Variants in NCOA2 observed in about 807,000 individuals in gnomAD.
NCOA2 encodes class E basic helix-loop-helix protein 75.
Under a neutral mutation model 145.1 loss-of-function variants are expected in NCOA2, and 21 were observed. The ratio of observed to expected loss-of-function variants is 0.14; its 90% CI spans 0.10 to 0.21. The LOEUF (loss-of-function observed/expected upper bound fraction) is 0.21, where lower values mean the gene tolerates loss of function less well. Among genes scored for constraint, NCOA2 ranks in the 10% least tolerant of loss-of-function variants. The pLI is 1.00. For synonymous variants in NCOA2, 619 were observed against 637.5 expected, an observed-to-expected ratio of 0.97 and a Z score of 0.44; for missense variants, 1,472 against 1,837.6, an observed-to-expected ratio of 0.80 and a Z score of 3.64.
At chr8:70,179,352 T>G (rs1394050240) in intron 4 of NCOA2, among the ~76,000 whole-genome samples, 2 of 152,204 alleles carry the variant, frequency 1.3e-5, no homozygotes, top group Admixed American at 1.3e-4. Flanking sequence ...GTTATTTGGG[T>G]ACTTTTCATG....
chr8:70,141,125 C>T lies in NCOA2; in HGVS notation c.3028+59G>A, dbSNP rs7002510. On this transcript the variant is annotated intron_variant, in intron 14 of 22. Coordinates refer to ENST00000452400, the MANE Select transcript of NCOA2 (RefSeq NM_006540.4). ...AAGCATGTCTTGAAAGAACTTATGA[C>T]GCTCTCTTTTCTAAGAGAGCATAAA... 15,286 of 1,471,298 alleles carry T rather than the reference C, an allele frequency of 0.01. 1,356 individuals are homozygous for T. The African/African-American group carries it at 0.19, about 18-fold the overall frequency. 91.1% of individuals were successfully genotyped at this position (1,471,298 alleles called of 1,614,324 possible).
At chr8:70,338,154 C>G (rs1807801413) in intron 1 of NCOA2, among the ~76,000 whole-genome samples, 1 of 151,840 alleles carries the variant, frequency 6.6e-6, no homozygotes, top group East Asian at 1.9e-4. Context: ...AATCCAGGAG[C>G]TGGTTTGTTG....
chr8:70,342,774 TACACACACAC>T (rs370685018), intron 1 of NCOA2, among the ~76,000 whole-genome samples: 9,343 of 124,056 alleles, frequency 0.075, 377 homozygotes, highest in East Asian at 0.13. Context: ...CTTTTGCAAT[TACACACACAC>T]ACACACACAC....
chr8:70,223,852 T>C (rs1057238902), intron 2 of NCOA2, among the ~76,000 whole-genome samples: 3 of 152,228 alleles, frequency 2.0e-5, no homozygotes, highest in African/African-American at 7.2e-5. Context: ...GGTCCTATAC[T>C]TTGACACTTT....
At chr8:70,177,387 A>G (rs1248067169) in intron 4 of NCOA2, among the ~76,000 whole-genome samples, 2 of 152,148 alleles carry the variant, frequency 1.3e-5, no homozygotes, top group African/African-American at 4.8e-5. Flanking sequence ...TGGATCCTCA[A>G]TAGCACCGTC....
At chr8:70,259,840 A>C (rs1268805626) in intron 2 of NCOA2, among the ~76,000 whole-genome samples, 1 of 152,236 alleles carries the variant, frequency 6.6e-6, no homozygotes, top group Non-Finnish European at 1.5e-5. Flanking sequence ...TCTCGCACAT[A>C]AAAGTCTTAT....
intron 1 of NCOA2, among the ~76,000 whole-genome samples, chr8:70,369,551 C>CT (rs1405405440): frequency 6.6e-6 from 1 of 152,186 alleles, no homozygotes; most frequent in Non-Finnish European, 1.5e-5. Flanking sequence ...GTCTTGCTCC[C>CT]TGGCAGCATG....
chr8:70,456,358 G>T, the NCOA2 span, among the ~76,000 whole-genome samples: 1 of 152,184 alleles, frequency 6.6e-6, no homozygotes. Flanking sequence ...GCTGTGGAAA[G>T]TGGTCTTGAG....
At chr8:70,402,778 C>A (rs937172050) in intron 1 of NCOA2, among the ~76,000 whole-genome samples, 1 of 151,620 alleles carries the variant, frequency 6.6e-6, no homozygotes. Flanking sequence ...CCGCCTCCCG[C>A]CCCCGGCCCC....
chr8:70,405,571 A>G (rs1241007335), upstream of NCOA2, among the ~76,000 whole-genome samples: 1 of 148,530 alleles, frequency 6.7e-6, no homozygotes, highest in Non-Finnish European at 1.5e-5. Context: ...CTTGTCTACA[A>G]TGGGGTAGTA....
intron 2 of NCOA2, among the ~76,000 whole-genome samples, chr8:70,249,625 A>G (rs976559510): frequency 6.6e-6 from 1 of 152,284 alleles, no homozygotes; most frequent in African/African-American, 2.4e-5. Context: ...ATTAGCTCTT[A>G]GTTTGATATC....
At position 70,138,350 on chromosome 8, in the gene NCOA2, A is replaced by G; in HGVS notation, c.3029-18T>C. ...AGATGGCCCTAGAAAGGGAGAAGAA[A>G]AAAATCTTACATCTTTAATCAAGGA... On this transcript the variant is annotated intron_variant, in intron 14 of 22. Coordinates refer to ENST00000452400, the MANE Select transcript of NCOA2 (RefSeq NM_006540.4). 11 of 1,582,094 alleles carry G rather than the reference A, an allele frequency of 7.0e-6. No homozygotes were observed. The highest frequency in any genetic ancestry group is 9.4e-6 in the Non-Finnish European group (11 of 1,166,878).
intron 1 of NCOA2, among the ~76,000 whole-genome samples, chr8:70,330,790 C>G (rs1807030722): frequency 6.6e-6 from 1 of 152,134 alleles, no homozygotes; most frequent in South Asian, 2.1e-4. Context: ...CTTACGCAAT[C>G]TTAAAAAGTA....
At chr8:70,416,761 AGAGT>A in the NCOA2 span, among the ~76,000 whole-genome samples, 2 of 152,140 alleles carry the variant, frequency 1.3e-5, no homozygotes, top group African/African-American at 4.8e-5. Flanking sequence ...AGAGAGTGAG[AGAGT>A]GAGAACAAAG....
chr8:70,246,485 C>T (rs753558160), intron 2 of NCOA2, among the ~76,000 whole-genome samples: 4 of 152,044 alleles, frequency 2.6e-5, no homozygotes, highest in Non-Finnish European at 4.4e-5. Context: ...CTATATTTTA[C>T]ATTTCTTGGT....
chr8:70,202,368 C>T (rs910976674), intron 4 of NCOA2, among the ~76,000 whole-genome samples: 2 of 152,136 alleles, frequency 1.3e-5, no homozygotes, highest in Non-Finnish European at 2.9e-5. Flanking sequence ...AAAACAGGAT[C>T]TCAAAGAGAT....
At chr8:70,225,392 TA>T (rs1414770738) in intron 2 of NCOA2, among the ~76,000 whole-genome samples, 7 of 151,452 alleles carry the variant, frequency 4.6e-5, no homozygotes, top group Admixed American at 3.9e-4. Context: ...ACTAAAAAAA[TA>T]CAAAAATTAG....
rs988591768 is a variant in NCOA2, at chr8:70,351,697, T to C, written c.-77+52003A>G. Among the ~76,000 whole-genome samples, 3 of 147,954 alleles carry C rather than the reference T, an allele frequency of 2.0e-5. No individual in the cohort carries two copies. In the East Asian group the frequency reaches 6.3e-4, roughly 31 times the overall value. ...AACTCCTAGGCTCCAGCAATCCCCC[T>C]ACCTCAGCCTCCAGAGTAGCTAGGA... On this transcript the variant is annotated intron_variant, in intron 1 of 22. Coordinates refer to ENST00000452400, the MANE Select transcript of NCOA2 (RefSeq NM_006540.4).
chr8:70,351,024 G>C (rs1255454866), intron 1 of NCOA2, among the ~76,000 whole-genome samples: 4 of 152,192 alleles, frequency 2.6e-5, no homozygotes, highest in African/African-American at 9.6e-5. Context: ...GAGAGCATGA[G>C]AGAGCAAGAG....
Sources: gnomAD v4.1 joint callset for allele counts (sites outside exome capture counted in the v4.1 genomes callset) on GRCh38, gnomAD v4.1.1 for gene constraint, MANE v1.5 for transcripts, NCBI Gene and HGNC (gene_info 2026-07-23, HGNC 2026-07-21) for gene names.